The following VPS53 variants were observed in gnomAD, a reference collection of about 807,000 sequenced individuals.
VPS53 encodes the protein vacuolar protein sorting-associated protein 53 homolog.
A neutral mutation model predicts 107.0 loss-of-function variants in VPS53; 70 were observed. The ratio of observed to expected loss-of-function variants is 0.65; its 90% confidence interval spans 0.54 to 0.80. The LOEUF (loss-of-function observed/expected upper bound fraction) is 0.80, where lower values mean the gene tolerates loss of function less well. VPS53 is among the 30% of genes least tolerant of loss of function. VPS53 has a pLI of 0.00. For missense variants in VPS53, 917 were observed against 1,049.4 expected, an observed-to-expected ratio of 0.87 and a Z score of 1.74; for synonymous variants, 409 against 393.3, an observed-to-expected ratio of 1.04 and a Z score of -0.47.
Position 519,300 on chromosome 17 carries a change from T to G in VPS53, c.2329-2A>C. On this transcript the variant is annotated splice_acceptor_variant, in intron 21 of 21. Coordinates refer to ENST00000437048, the MANE Select transcript of VPS53 (RefSeq NM_001128159.3). LOFTEE classifies it high-confidence loss of function. The surrounding 1 kb of genome is among the most constrained non-coding windows in gnomAD (Gnocchi z 5.0). ...GCTCTGCTCACTCCTCTTCAGCCCC[T>G]GAGGTTGAGAGAGAAACAGAACCGT... 1.4e-6 allele frequency: 2 copies of G among 1,477,688 alleles called. No individual in the cohort carries two copies. Among genetic ancestry groups the G allele is most frequent in the Non-Finnish European group, 1.8e-6 (2 of 1,113,304 alleles). 91.5% of individuals were successfully genotyped at this position (1,477,688 alleles called of 1,614,324 possible).
At chr17:527,293 C>G (rs1185393820) in intron 19 of VPS53, among the ~76,000 whole-genome samples, 1 of 152,152 alleles carries the variant, frequency 6.6e-6, no homozygotes, top group East Asian at 1.9e-4. Flanking sequence ...CTCTCCTACT[C>G]TCTCTCACTG....
Position 509,178 on chromosome 17 carries a change from A to C in VPS53, c.*9950T>G, listed in dbSNP as rs926663365. On this transcript the variant is annotated 3_prime_UTR_variant, in exon 22 of 22. Coordinates refer to ENST00000437048, the MANE Select transcript of VPS53 (RefSeq NM_001128159.3). ...ATCCTGCCTCACCCCCTTACTAGTC[A>C]CATATCAAATCCTGCCTCACCCCCT... 4 of 145,058 alleles carry C rather than the reference A, an allele frequency of 2.8e-5. No homozygotes were observed. The highest frequency in any genetic ancestry group is 1.0e-4 in the African/African-American group (4 of 38,256). The allele number at this position is 145,058 out of a possible 1,614,324, so 9.0% of individuals were successfully genotyped here.
chr17:545,712 G>A (rs561721311), intron 17 of VPS53, among the ~76,000 whole-genome samples: 31 of 152,160 alleles, frequency 2.0e-4, no homozygotes, highest in Non-Finnish European at 3.7e-4. Flanking sequence ...GCCATGCCAC[G>A]GGTTTCCAAA....
At chr17:609,102 C>G (rs1202716337) in intron 11 of VPS53, among the ~76,000 whole-genome samples, 1 of 152,186 alleles carries the variant, frequency 6.6e-6, no homozygotes, top group South Asian at 2.1e-4. Flanking sequence ...GTGCAGCCAT[C>G]ACCACCAATT....
chr17:562,822 C>A (rs1913150619), intron 13 of VPS53, 77 bp from the exon 14 acceptor site: 1 of 1,484,500 alleles, frequency 6.7e-7, no homozygotes, highest in Non-Finnish European at 9.1e-7. Flanking sequence ...TTGCAATGTA[C>A]ATAAACTACT....
At chr17:598,066 TC>T (rs1292774881) in intron 12 of VPS53, among the ~76,000 whole-genome samples, 1 of 151,816 alleles carries the variant, frequency 6.6e-6, no homozygotes, top group African/African-American at 2.4e-5. Flanking sequence ...CACTGCAACC[TC>T]CCTGCCTGAT....
At position 623,602 on chromosome 17, in the gene VPS53, T is replaced by A. The variant is rs372809354; in HGVS notation, c.1047A>T (p.Gln349His). The change falls in exon 11 of 22, where the codon CAA becomes CAT. Residue 349 changes from glutamine to histidine, a missense_variant. Transcript: ENST00000437048. ...GAAACCCCTCAAAGTTAGTTGTTCT[T>A]TGAATAGCAAAAAGAAGCAATTTCA... ...IEVKLLLFAIQRTTNFEGFLA... is the reference protein window; with the variant it reads ...IEVKLLLFAIHRTTNFEGFLA... The A allele has an allele frequency of 3.1e-6, 5 of 1,614,048 alleles. No homozygotes were observed. The highest frequency in any genetic ancestry group is 1.3e-5 in the African/African-American group (1 of 75,036).
At chr17:579,244 A>G (rs983378213) in intron 13 of VPS53, among the ~76,000 whole-genome samples, 13 of 150,608 alleles carry the variant, frequency 8.6e-5, no homozygotes, top group Non-Finnish European at 1.9e-4. Context: ...GCGTTCCCAG[A>G]GAACCTCCCT....
intron 2 of VPS53, among the ~76,000 whole-genome samples, chr17:709,872 C>T (rs746504885): frequency 6.6e-6 from 1 of 152,156 alleles, no homozygotes. Flanking sequence ...TGAGGCCGGG[C>T]GCAGTGGCTC....
intron 19 of VPS53, among the ~76,000 whole-genome samples, chr17:525,055 C>A (rs1483563808): frequency 6.6e-6 from 1 of 152,112 alleles, no homozygotes; most frequent in Non-Finnish European, 1.5e-5. Context: ...AATGAATAAA[C>A]AAATGACAGC....
Position 693,514 on chromosome 17 carries a change from G to A in VPS53, c.285+3904C>T, listed in dbSNP as rs539899794. Reference sequence around the variant, plus strand: ...AGGCAGGAGGATCACTTCAGGCCAGGAGTTCAAGACCAGCCCGGGCAACAC... The same window carrying A: ...AGGCAGGAGGATCACTTCAGGCCAGAAGTTCAAGACCAGCCCGGGCAACAC... On this transcript the variant is annotated intron_variant, in intron 4 of 21. Transcript: ENST00000437048. Among the ~76,000 whole-genome samples, 66 of 152,234 alleles carry A rather than the reference G, an allele frequency of 4.3e-4. No homozygotes were observed. The South Asian group carries it at 0.013, about 31-fold the overall frequency.
intron 7 of VPS53, among the ~76,000 whole-genome samples, chr17:650,964 G>T (rs927933184): frequency 2.0e-5 from 3 of 152,066 alleles, no homozygotes; most frequent in African/African-American, 7.2e-5. Context: ...TAAAGCGTAA[G>T]GCATGAAACC....
chr17:572,493 T>C (rs547146039), intron 13 of VPS53, among the ~76,000 whole-genome samples: 91 of 147,072 alleles, frequency 6.2e-4, no homozygotes, highest in Non-Finnish European at 1.2e-3. Context: ...TACTGGGAAG[T>C]GAGGAGCCCC....
chr17:609,640 G>A (rs1330715602), intron 11 of VPS53, among the ~76,000 whole-genome samples: 2 of 152,154 alleles, frequency 1.3e-5, no homozygotes, highest in Non-Finnish European at 2.9e-5. Context: ...AATCTTAACT[G>A]CATTTGGAAG....
intron 14 of VPS53, among the ~76,000 whole-genome samples, chr17:562,275 G>A (rs1415346475): frequency 6.6e-6 from 1 of 152,282 alleles, no homozygotes; most frequent in East Asian, 1.9e-4. Flanking sequence ...AGTCCACCGT[G>A]GTAAGATTTG....
At position 628,247 on chromosome 17, in the gene VPS53, T is replaced by C. The variant is rs369442933; in HGVS notation, c.688-16A>G. ...CTCCTGGTCTCTAGTAAAACAAACA[T>C]GTACCAGGTGAAAAGCCAGAAACAA... On this transcript the variant is annotated splice_polypyrimidine_tract_variant and intron_variant, in intron 8 of 21. Coordinates refer to ENST00000437048, the MANE Select transcript of VPS53 (RefSeq NM_001128159.3). The C allele has an allele frequency of 4.3e-5, 69 of 1,611,664 alleles. No homozygotes were observed. In the African/African-American group the frequency reaches 5.6e-4, roughly 13 times the overall value.
At chr17:698,145 G>A (rs1973051158) in intron 3 of VPS53, among the ~76,000 whole-genome samples, 2 of 152,154 alleles carry the variant, frequency 1.3e-5, no homozygotes, top group Non-Finnish European at 2.9e-5. Flanking sequence ...TAAAAAGCTA[G>A]TCGAAGGACA....
intron 11 of VPS53, among the ~76,000 whole-genome samples, chr17:611,065 C>T (rs1301428537): frequency 6.6e-6 from 1 of 151,810 alleles, no homozygotes; most frequent in Admixed American, 6.6e-5. Context: ...TTTTTTGAGA[C>T]ATGAGTGGCG....
At chr17:585,303 A>C (rs540936611) in intron 13 of VPS53, among the ~76,000 whole-genome samples, 2 of 152,240 alleles carry the variant, frequency 1.3e-5, no homozygotes, top group African/African-American at 4.8e-5. Context: ...ACAAACAAAA[A>C]CTGAGGACAT....
Sources: allele counts gnomAD v4.1 joint callset (sites outside exome capture counted in the v4.1 genomes callset), GRCh38; gene constraint gnomAD v4.1.1; non-coding constraint Gnocchi (gnomAD v3.1); transcripts MANE v1.5; gene names NCBI Gene and HGNC (gene_info 2026-07-23, HGNC 2026-07-21).